Variants in ZDHHC2 observed in about 807,000 individuals in gnomAD.
ZDHHC2 encodes zDHHC palmitoyltransferase 2.
ZDHHC2 carries 51 observed loss-of-function variants against 55.6 expected under a neutral mutation model. The observed-to-expected ratio is 0.92, with a 90% confidence interval of 0.73 to 1.16. The LOEUF is 1.16. Ranked by LOEUF, ZDHHC2 falls within the 50% of genes most tolerant of loss-of-function variation. The probability of loss-of-function intolerance (pLI) is 0.00; values close to 1 mark genes in which losing one functional copy is unlikely to be tolerated. For missense variants in ZDHHC2, 491 were observed against 442.4 expected (o/e 1.11, Z -0.99); for synonymous variants, 199 against 152.9 (o/e 1.30, Z -2.22).
intron 3 of ZDHHC2, among the ~76,000 whole-genome samples, chr8:17,190,171 A>G (rs1247731269): frequency 1.3e-5 from 2 of 152,042 alleles, no homozygotes; most frequent in Non-Finnish European, 2.9e-5. Context: ...ATACCAATAC[A>G]CTTGAACCTG....
chr8:17,209,448 C>T (rs1807264243), intron 8 of ZDHHC2, among the ~76,000 whole-genome samples: 1 of 152,170 alleles, frequency 6.6e-6, no homozygotes, highest in African/African-American at 2.4e-5. Flanking sequence ...GATCATACCA[C>T]TGTACTCCAC....
intron 10 of ZDHHC2, among the ~76,000 whole-genome samples, chr8:17,211,737 T>G (rs1807394298): frequency 6.6e-6 from 1 of 152,104 alleles, no homozygotes; most frequent in Middle Eastern, 3.2e-3. Flanking sequence ...ACCCTACCAG[T>G]TAGTGAATGG....
At chr8:17,193,751 A>C (rs890406362) in intron 3 of ZDHHC2, among the ~76,000 whole-genome samples, 12 of 151,842 alleles carry the variant, frequency 7.9e-5, no homozygotes, top group Admixed American at 1.3e-4. Context: ...TAAATGTAAT[A>C]GTCCATCAGT....
chr8:17,160,520 C>T (rs1804285910), intron 1 of ZDHHC2, among the ~76,000 whole-genome samples: 1 of 152,220 alleles, frequency 6.6e-6, no homozygotes, highest in Non-Finnish European at 1.5e-5. Context: ...TGTCCTTCCT[C>T]CGAGTTACCT....
intron 1 of ZDHHC2, among the ~76,000 whole-genome samples, chr8:17,167,874 G>C (rs991842711): frequency 1.7e-5 from 2 of 118,198 alleles, no homozygotes; most frequent in African/African-American, 5.4e-5. Context: ...GCATTTGCAG[G>C]AAACACTCCA....
chr8:17,175,392 C>CAA (rs1327803041), intron 1 of ZDHHC2, among the ~76,000 whole-genome samples: 1 of 152,166 alleles, frequency 6.6e-6, no homozygotes, highest in Non-Finnish European at 1.5e-5. Context: ...AAAGGCTTTC[C>CAA]AGCAGTTTAT....
chr8:17,216,271 A>G (rs934024396), intron 11 of ZDHHC2, among the ~76,000 whole-genome samples: 9 of 152,220 alleles, frequency 5.9e-5, no homozygotes, highest in African/African-American at 2.2e-4. Context: ...TCTGGGATTT[A>G]GTGGTAGCGA....
rs541123970 is a variant in ZDHHC2, at chr8:17,186,408, A to G, written c.235A>G (p.Met79Val). Residue 79 changes from methionine to valine, a missense_variant, in exon 3 of 13, where the codon ATG becomes GTG. By Grantham distance (21) the Met-to-Val change is conservative. Coordinates refer to ENST00000262096, the MANE Select transcript of ZDHHC2 (RefSeq NM_016353.5). ...CTGGAAAACTATCTTTACATTACCAATGAATCCTTCAAAAGAAGTAAGTTA... is the reference window on the plus strand; with the variant it reads ...CTGGAAAACTATCTTTACATTACCAGTGAATCCTTCAAAAGAAGTAAGTTA... ...SYWKTIFTLP[M>V]NPSKEFHLSY... 50 of 1,560,562 alleles carry G rather than the reference A, an allele frequency of 3.2e-5. No homozygotes were observed. Among genetic ancestry groups the G allele is most frequent in the Non-Finnish European group, 4.1e-5 (48 of 1,157,394 alleles).
chr8:17,170,902 T>C (rs772433857), intron 1 of ZDHHC2, among the ~76,000 whole-genome samples: 1 of 152,218 alleles, frequency 6.6e-6, no homozygotes, highest in Non-Finnish European at 1.5e-5. Context: ...GAGTGTTACA[T>C]TGGGCAAAAT....
chr8:17,201,481 CTTTTTTTTTTTTTTTTTT>C (rs1171396792), intron 6 of ZDHHC2, among the ~76,000 whole-genome samples: 2 of 24,332 alleles, frequency 8.2e-5, no homozygotes, highest in Admixed American at 1.4e-3. Flanking sequence ...CTCTCTCTCT[CTTTTTTTTTTTTTTTTTT>C]TTTTTTTTTT....
Position 17,203,331 on chromosome 8 carries a change from A to C in ZDHHC2, c.477-2324A>C, listed in dbSNP as rs1158513704. Among the ~76,000 whole-genome samples, 5 of 151,890 alleles carry C rather than the reference A, an allele frequency of 3.3e-5. No homozygotes were observed. In the South Asian group the frequency reaches 8.3e-4, roughly 25 times the overall value. On this transcript the variant is annotated intron_variant, in intron 6 of 12. Transcript: ENST00000262096. ...GTGCAATCTCAGCCTCCTGGGTTCA[A>C]GTGCTTCTCCTGCCTCTGCCTCCCG... is the stretch of plus-strand genomic sequence containing the variant.
At chr8:17,190,784 A>G (rs2150914856) in intron 3 of ZDHHC2, among the ~76,000 whole-genome samples, 1 of 152,056 alleles carries the variant, frequency 6.6e-6, no homozygotes, top group South Asian at 2.1e-4. Flanking sequence ...CAGGCATGCA[A>G]TGTGTAATAA....
intron 6 of ZDHHC2, among the ~76,000 whole-genome samples, chr8:17,201,523 A>T (rs1192293393): frequency 4.0e-5 from 4 of 101,130 alleles, no homozygotes; most frequent in African/African-American, 1.5e-4. Context: ...GATGGAGTCT[A>T]GCTCTGTAAC....
At chr8:17,188,159 C>T (rs1276641784) in intron 3 of ZDHHC2, among the ~76,000 whole-genome samples, 2 of 152,186 alleles carry the variant, frequency 1.3e-5, no homozygotes, top group East Asian at 3.9e-4. Context: ...CTACTTTTTG[C>T]AATGTTTGTC....
At chr8:17,216,193 A>C (rs576768146) in intron 11 of ZDHHC2, among the ~76,000 whole-genome samples, 52 of 152,322 alleles carry the variant, frequency 3.4e-4, no homozygotes, top group African/African-American at 1.2e-3. Flanking sequence ...TAGTCTTTTC[A>C]AATAAACCAG....
At chr8:17,199,969 C>T (rs1806659414) in intron 6 of ZDHHC2, among the ~76,000 whole-genome samples, 1 of 152,042 alleles carries the variant, frequency 6.6e-6, no homozygotes, top group African/African-American at 2.4e-5. Flanking sequence ...ATTGGCCAGG[C>T]TGGTCTCGAA....
intron 1 of ZDHHC2, among the ~76,000 whole-genome samples, chr8:17,160,803 A>G (rs527428191): frequency 1.1e-4 from 16 of 152,252 alleles, no homozygotes; most frequent in African/African-American, 3.9e-4. Context: ...CAACCACTCA[A>G]CTCTGCTATC....
At chr8:17,160,598 A>G (rs59991057) in intron 1 of ZDHHC2, among the ~76,000 whole-genome samples, 3,933 of 152,284 alleles carry the variant, frequency 0.026, 184 homozygotes, top group African/African-American at 0.09. Flanking sequence ...TTTCCCAGCA[A>G]ACCCCTCTCC....
At chr8:17,215,133 T>C (rs1211461828) in intron 10 of ZDHHC2, 104 bp from the exon 11 acceptor site, 2 of 915,336 alleles carry the variant, frequency 2.2e-6, no homozygotes, top group African/African-American at 1.7e-5. Flanking sequence ...TCCTGCATCA[T>C]CTTGCATTGC....
Sources: gnomAD v4.1 joint callset for allele counts (sites outside exome capture counted in the v4.1 genomes callset) on GRCh38, gnomAD v4.1.1 for gene constraint, MANE v1.5 for transcripts, NCBI Gene and HGNC (gene_info 2026-07-23, HGNC 2026-07-21) for gene names.